DLC1: variants seen among roughly 807,000 people sequenced by gnomAD.
DLC1 encodes rho GTPase-activating protein 7.
Under a neutral mutation model 140.3 loss-of-function variants are expected in DLC1, and 54 were observed. That is an observed-to-expected ratio of 0.38 (90% CI 0.31 to 0.48). The LOEUF (loss-of-function observed/expected upper bound fraction) is 0.48, where lower values mean the gene tolerates loss of function less well. Ranked by LOEUF, DLC1 falls within the 20% of genes least tolerant of loss-of-function variation. The probability of loss-of-function intolerance (pLI) is 0.96; values close to 1 mark genes in which losing one functional copy is unlikely to be tolerated. For missense variants in DLC1, 2,536 were observed against 1,907.0 expected, an observed-to-expected ratio of 1.33 and a Z score of -6.14; for synonymous variants, 986 against 728.1, an observed-to-expected ratio of 1.35 and a Z score of -5.70.
At chr8:13,486,159 A>G (rs1490999023) in intron 2 of DLC1, among the ~76,000 whole-genome samples, 1 of 152,244 alleles carries the variant, frequency 6.6e-6, no homozygotes, top group Non-Finnish European at 1.5e-5. Context: ...GAAGGAGTAC[A>G]GAATAACCGA....
At chr8:13,415,751 A>G (rs1454146112) in intron 2 of DLC1, among the ~76,000 whole-genome samples, 2 of 148,798 alleles carry the variant, frequency 1.3e-5, no homozygotes, top group Non-Finnish European at 1.5e-5. Flanking sequence ...GAGCCTTTAA[A>G]TAACTTGAAG....
At chr8:13,356,801 A>G (rs528980874) in intron 4 of DLC1, among the ~76,000 whole-genome samples, 1 of 151,766 alleles carries the variant, frequency 6.6e-6, no homozygotes, top group African/African-American at 2.4e-5. Flanking sequence ...TTCCTGATCA[A>G]TGCTGTTTCT....
At chr8:13,316,559 T>A (rs1278199305) in intron 4 of DLC1, among the ~76,000 whole-genome samples, 1 of 151,904 alleles carries the variant, frequency 6.6e-6, no homozygotes, top group African/African-American at 2.4e-5. Flanking sequence ...GGCTTCCAGG[T>A]AGGTTGGGCC....
chr8:13,432,237 A>G (rs943710830), intron 2 of DLC1, among the ~76,000 whole-genome samples: 5 of 152,228 alleles, frequency 3.3e-5, no homozygotes, highest in Non-Finnish European at 7.3e-5. Context: ...AGGCAACTTC[A>G]GAACAGATAT....
intron 5 of DLC1, among the ~76,000 whole-genome samples, chr8:13,202,543 C>T (rs1452338546): frequency 6.6e-6 from 1 of 152,152 alleles, no homozygotes; most frequent in Non-Finnish European, 1.5e-5. Flanking sequence ...GCCTGCCTGT[C>T]TTCTTGGCTT....
At chr8:13,200,349 A>G (rs1251646440) in intron 5 of DLC1, among the ~76,000 whole-genome samples, 2 of 152,262 alleles carry the variant, frequency 1.3e-5, no homozygotes, top group East Asian at 3.9e-4. Flanking sequence ...GGCATGAGCC[A>G]CTGCACCTGG....
chr8:13,095,269 G>A (rs1023566255), intron 10 of DLC1, 24 bp from the exon 11 acceptor site: 1 of 1,613,970 alleles, frequency 6.2e-7, no homozygotes, highest in Non-Finnish European at 8.5e-7. Flanking sequence ...CAGAGATGGT[G>A]GTGTTGGCGG....
chr8:13,459,390 T>C (rs1799556150), intron 2 of DLC1, among the ~76,000 whole-genome samples: 1 of 152,228 alleles, frequency 6.6e-6, no homozygotes, highest in Admixed American at 6.6e-5. Flanking sequence ...TCTTCCTGAT[T>C]TTATTTTTCA....
intron 1 of DLC1, among the ~76,000 whole-genome samples, chr8:13,526,655 A>G (rs1802928695): frequency 6.6e-6 from 1 of 152,172 alleles, no homozygotes. Context: ...CATCATTCTG[A>G]GCAAACTATC....
At chr8:13,343,095 T>G (rs1729121) in intron 4 of DLC1, among the ~76,000 whole-genome samples, 2 of 151,972 alleles carry the variant, frequency 1.3e-5, no homozygotes, top group Non-Finnish European at 2.9e-5. Flanking sequence ...ATACTGCTGA[T>G]ATTTTTGTGA....
In DLC1 at chr8:13,487,675, G is replaced by A. The variant is rs887839939; in HGVS notation, c.1023+11374C>T. ...TGCAACCTCCCCAACCCGGGTTCAA[G>A]CAGTTCTCTGCCTCAGCCTCCTGAG... On this transcript the variant is annotated intron_variant, in intron 2 of 17. Coordinates refer to ENST00000276297, the MANE Select transcript of DLC1 (RefSeq NM_182643.3). Among the ~76,000 whole-genome samples, 14 of 151,728 alleles carry A rather than the reference G, an allele frequency of 9.2e-5. 1 individual carries two copies. The highest frequency in any genetic ancestry group is 2.9e-5 in the Non-Finnish European group (2 of 67,984).
intron 1 of DLC1, among the ~76,000 whole-genome samples, chr8:13,596,848 T>A (rs977270753): frequency 2.0e-5 from 3 of 152,044 alleles, no homozygotes; most frequent in African/African-American, 4.8e-5. Flanking sequence ...GTCTTAATAA[T>A]GTAAATTTTG....
chr8:13,489,007 G>C (rs1404930983), intron 2 of DLC1, among the ~76,000 whole-genome samples: 3 of 151,986 alleles, frequency 2.0e-5, no homozygotes, highest in African/African-American at 4.8e-5. Context: ...GAGTGCAGTG[G>C]CGTGATCTTG....
chr8:13,481,423 T>C (rs2117119003), intron 2 of DLC1, among the ~76,000 whole-genome samples: 1 of 152,144 alleles, frequency 6.6e-6, no homozygotes, highest in Middle Eastern at 3.4e-3. Context: ...TGAGACCTTG[T>C]CTCAAAAAGT....
chr8:13,410,197 AC>A (rs1489576229), intron 2 of DLC1, among the ~76,000 whole-genome samples: 1 of 152,188 alleles, frequency 6.6e-6, no homozygotes, highest in African/African-American at 2.4e-5. Context: ...AATTAAAAAA[AC>A]CTCTTTTAAG....
chr8:13,579,996 A>G (rs896182084), intron 1 of DLC1, among the ~76,000 whole-genome samples: 2 of 152,178 alleles, frequency 1.3e-5, no homozygotes, highest in African/African-American at 4.8e-5. Flanking sequence ...GCTGGGCTCC[A>G]GGCACATGAG....
At chr8:13,547,329 A>C (rs1803686403) in intron 1 of DLC1, among the ~76,000 whole-genome samples, 1 of 152,086 alleles carries the variant, frequency 6.6e-6, no homozygotes, top group Non-Finnish European at 1.5e-5. Flanking sequence ...AATGACCGTC[A>C]TATAGACTTG....
At chr8:13,598,658 C>T (rs942291513) in intron 1 of DLC1, among the ~76,000 whole-genome samples, 2 of 151,930 alleles carry the variant, frequency 1.3e-5, no homozygotes, top group Non-Finnish European at 2.9e-5. Flanking sequence ...TTTTTTCTTA[C>T]ATAACTCAAT....
Position 13,133,305 on chromosome 8 carries a change from C to T in DLC1, c.1349-17648G>A, listed in dbSNP as rs147909538. The T allele has an allele frequency of 1.9e-5, 24 of 1,235,812 alleles. No homozygotes were observed. The Admixed American group carries it at 3.5e-4, about 18-fold the overall frequency. The allele number at this position is 1,235,812 out of a possible 1,614,324, so 76.6% of individuals were successfully genotyped here. A position where few individuals can be genotyped will look rare whatever the true frequency, so the allele number is the denominator to read the frequency against. Reference sequence around the variant, plus strand: ...GGAGCGAACTGTCTCCCGCGCGCTCCGCCAGCCGGGCCCTCCCGCTGGGCC... The same window carrying T: ...GGAGCGAACTGTCTCCCGCGCGCTCTGCCAGCCGGGCCCTCCCGCTGGGCC... On this transcript the variant is annotated intron_variant, in intron 5 of 17. Transcript: ENST00000276297.
Sources: allele counts gnomAD v4.1 joint callset (sites outside exome capture counted in the v4.1 genomes callset), GRCh38; gene constraint gnomAD v4.1.1; transcripts MANE v1.5; gene names NCBI Gene and HGNC (gene_info 2026-07-23, HGNC 2026-07-21).